BRINP3: variants seen among roughly 807,000 people sequenced by gnomAD.
The protein encoded by BRINP3 is BMP/retinoic acid inducible neural specific 3.
In BRINP3, 19 loss-of-function variants were observed where a neutral mutation model predicts 71.0. The ratio of observed to expected loss-of-function variants is 0.27; its 90% CI spans 0.19 to 0.39. BRINP3 has a LOEUF of 0.39. Ranked by LOEUF, BRINP3 falls within the 10% of genes least tolerant of loss-of-function variation. The pLI is 1.00. For synonymous variants in BRINP3, 380 were observed against 337.7 expected, an observed-to-expected ratio of 1.13 and a Z score of -1.37; for missense variants, 959 against 940.8, an observed-to-expected ratio of 1.02 and a Z score of -0.25.
At chr1:190,311,565 C>T (rs908165337) in intron 2 of BRINP3, among the ~76,000 whole-genome samples, 1 of 151,440 alleles carries the variant, frequency 6.6e-6, no homozygotes, top group African/African-American at 2.4e-5. Context: ...AAAATTTGAT[C>T]ATAGAATCTG....
intron 6 of BRINP3, among the ~76,000 whole-genome samples, chr1:190,214,166 A>G (rs964989982): frequency 1.3e-5 from 2 of 152,096 alleles, no homozygotes; most frequent in African/African-American, 4.8e-5. Flanking sequence ...AAAATTTCAG[A>G]ACTGCTCCAA....
chr1:190,471,801 A>G (rs571122218), intron 1 of BRINP3, among the ~76,000 whole-genome samples: 1 of 151,624 alleles, frequency 6.6e-6, no homozygotes, highest in South Asian at 2.1e-4. Context: ...ATCAAAAGCA[A>G]CTATTTTGTA....
chr1:190,230,601 A>T, intron 5 of BRINP3, among the ~76,000 whole-genome samples: 1 of 151,914 alleles, frequency 6.6e-6, no homozygotes, highest in Non-Finnish European at 1.5e-5. Context: ...TAACTAATAC[A>T]TCTTTTAAAA....
In BRINP3 at chr1:190,386,417, T is replaced by TA. The variant is rs532700435; in HGVS notation, c.236+68237dup. Among the ~76,000 whole-genome samples the TA allele has an allele frequency of 1.9e-4, 29 of 151,668 alleles. 1 individual carries two copies. The East Asian group carries it at 4.6e-3, about 24-fold the overall frequency. ...AATAAAGGAAATAAATACCAGATTTTAAAAAAATGTATATATTAATAATTA... is the reference window on the plus strand; with the variant it reads ...AATAAAGGAAATAAATACCAGATTTTAAAAAAAATGTATATATTAATAATTA... On this transcript the variant is annotated intron_variant, in intron 2 of 7. Transcript: ENST00000367462.
intron 2 of BRINP3, among the ~76,000 whole-genome samples, chr1:190,373,629 C>CA (rs1227215394): frequency 6.6e-6 from 1 of 151,614 alleles, no homozygotes; most frequent in Non-Finnish European, 1.5e-5. Flanking sequence ...AGCCTTTTGT[C>CA]AGTCATTCAA....
In BRINP3 at chr1:190,472,619, A is replaced by C. The variant is rs1333505115; in HGVS notation, c.-51+4829T>G. 2.0e-5 allele frequency among the ~76,000 whole-genome samples: 3 copies of C among 151,794 alleles called. No homozygotes were observed. In the East Asian group the frequency reaches 5.8e-4, roughly 29 times the overall value. ...ACTGCCTCTTTTAAAGATAATGTGG[A>C]AAAACTAAAAATAAATACAGGAAAC... On this transcript the variant is annotated intron_variant, in intron 1 of 7. Transcript: ENST00000367462.
intron 7 of BRINP3, among the ~76,000 whole-genome samples, chr1:190,108,329 A>G (rs1446284396): frequency 6.6e-6 from 1 of 151,824 alleles, no homozygotes; most frequent in Non-Finnish European, 1.5e-5. Flanking sequence ...TTTTATGAGC[A>G]TAAGCAAATC....
In BRINP3 at chr1:190,111,196, A is replaced by AC. The variant is rs1333058002; in HGVS notation, c.1185-12063_1185-12062insG. Among the ~76,000 whole-genome samples, 182 of 150,514 alleles carry AC rather than the reference A, an allele frequency of 1.2e-3. 3 individuals carry two copies. Among genetic ancestry groups the AC allele is most frequent in the African/African-American group, 4.2e-3 (170 of 40,684 alleles). ...CAAGACTCCATTAAAAAAAAAAAAA[A>AC]AAAAAAAAAAAACTTTAGAACTTTA... On this transcript the variant is annotated intron_variant, in intron 7 of 7. Transcript: ENST00000367462.
At chr1:190,302,102 A>G (rs939862612) in intron 2 of BRINP3, among the ~76,000 whole-genome samples, 10 of 151,420 alleles carry the variant, frequency 6.6e-5, no homozygotes, top group Admixed American at 1.3e-4. Context: ...TAAATTATCA[A>G]TATCTCCCAC....
At chr1:190,456,333 C>T (rs1675986649) in intron 1 of BRINP3, among the ~76,000 whole-genome samples, 1 of 152,114 alleles carries the variant, frequency 6.6e-6, no homozygotes, top group Non-Finnish European at 1.5e-5. Flanking sequence ...GTATGAGTTG[C>T]CTCAATCATA....
chr1:190,112,422 T>A (rs944827315), intron 7 of BRINP3, among the ~76,000 whole-genome samples: 2 of 152,172 alleles, frequency 1.3e-5, no homozygotes, highest in Non-Finnish European at 2.9e-5. Context: ...CTGAAATCAC[T>A]GAATATTTCT....
intron 2 of BRINP3, among the ~76,000 whole-genome samples, chr1:190,290,666 G>A (rs115540918): frequency 1.3e-5 from 2 of 152,124 alleles, no homozygotes; most frequent in Non-Finnish European, 2.9e-5. Context: ...GTTTCTAAGC[G>A]ATCAACCTAT....
intron 4 of BRINP3, among the ~76,000 whole-genome samples, chr1:190,255,962 G>A (rs1212194767): frequency 1.3e-5 from 2 of 152,162 alleles, no homozygotes; most frequent in Admixed American, 6.5e-5. Flanking sequence ...ATTCTGGTAT[G>A]TTGTGCCTTT....
At chr1:190,460,399 AC>A (rs1298899885) in intron 1 of BRINP3, among the ~76,000 whole-genome samples, 2 of 151,894 alleles carry the variant, frequency 1.3e-5, no homozygotes, top group Non-Finnish European at 2.9e-5. Context: ...AATACTAAAT[AC>A]ATAATTGTGT....
intron 2 of BRINP3, among the ~76,000 whole-genome samples, chr1:190,340,009 C>T (rs553948790): frequency 6.6e-6 from 1 of 151,884 alleles, no homozygotes; most frequent in African/African-American, 2.4e-5. Flanking sequence ...TGATTGATTA[C>T]ACTTACTACC....
At chr1:190,197,969 C>T (rs186820872) in intron 6 of BRINP3, among the ~76,000 whole-genome samples, 6 of 152,224 alleles carry the variant, frequency 3.9e-5, no homozygotes, top group African/African-American at 7.2e-5. Flanking sequence ...CTAACCTGGA[C>T]ATCCAGGCAT....
At chr1:190,184,402 G>T (rs1464320053) in intron 6 of BRINP3, among the ~76,000 whole-genome samples, 3 of 152,030 alleles carry the variant, frequency 2.0e-5, no homozygotes, top group East Asian at 3.9e-4. Flanking sequence ...AAAGGAAATA[G>T]CTCATTATAC....
intron 2 of BRINP3, among the ~76,000 whole-genome samples, chr1:190,377,394 C>A (rs922386495): frequency 6.6e-6 from 1 of 151,932 alleles, no homozygotes; most frequent in Non-Finnish European, 1.5e-5. Context: ...TGAAAGCCTT[C>A]TCCCTCATAT....
intron 4 of BRINP3, among the ~76,000 whole-genome samples, chr1:190,262,521 C>T (rs1337803620): frequency 3.3e-5 from 5 of 152,136 alleles, no homozygotes; most frequent in Non-Finnish European, 7.3e-5. Flanking sequence ...GACCCTGTAT[C>T]ATTCCCACTG....
Sources: gnomAD v4.1 joint callset for allele counts (sites outside exome capture counted in the v4.1 genomes callset) on GRCh38, gnomAD v4.1.1 for gene constraint, MANE v1.5 for transcripts, NCBI Gene and HGNC (gene_info 2026-07-23, HGNC 2026-07-21) for gene names.